DECR1: variants seen among roughly 807,000 people sequenced by gnomAD.
The protein encoded by DECR1 is 2,4-dienoyl-CoA reductase 1, also known as 2,4-dienoyl-CoA reductase [(3E)-enoyl-CoA-producing], mitochondrial.
Under a neutral mutation model 38.8 loss-of-function variants are expected in DECR1, and 44 were observed. That is an observed-to-expected ratio of 1.13 (90% CI 0.89 to 1.46). The LOEUF (loss-of-function observed/expected upper bound fraction) is 1.46, where lower values mean the gene tolerates loss of function less well. DECR1 is among the 40% of genes most tolerant of loss of function. DECR1 has a pLI of 0.00. For synonymous variants in DECR1, 148 were observed against 135.2 expected, an observed-to-expected ratio of 1.09 and a Z score of -0.66; for missense variants, 428 against 405.5, an observed-to-expected ratio of 1.06 and a Z score of -0.48.
At chr8:90,043,842 A>G (rs1206544212) in intron 7 of DECR1, among the ~76,000 whole-genome samples, 1 of 152,222 alleles carries the variant, frequency 6.6e-6, no homozygotes, top group African/African-American at 2.4e-5. Flanking sequence ...TCCTAAGCAT[A>G]TCTGAAAATA....
At chr8:90,020,118 C>T (rs1179679137) in intron 4 of DECR1, among the ~76,000 whole-genome samples, 1 of 152,138 alleles carries the variant, frequency 6.6e-6, no homozygotes, top group Non-Finnish European at 1.5e-5. Context: ...GTACATTTAT[C>T]GGAGAGAAGC....
At chr8:90,048,377 A>G (rs1813968574) in intron 8 of DECR1, among the ~76,000 whole-genome samples, 1 of 152,230 alleles carries the variant, frequency 6.6e-6, no homozygotes, top group South Asian at 2.1e-4. Context: ...CCACAGAGAT[A>G]CAAACTCCCA....
chr8:90,043,266 T>C (rs1351421065), intron 7 of DECR1, among the ~76,000 whole-genome samples: 2 of 152,192 alleles, frequency 1.3e-5, no homozygotes, highest in African/African-American at 4.8e-5. Flanking sequence ...CCTTGACTCA[T>C]GCTTGTGCCC....
intron 1 of DECR1, chr8:90,005,679 A>C (rs185614612): frequency 1.3e-4 from 44 of 349,966 alleles, no homozygotes; most frequent in African/African-American, 8.3e-4. Context: ...CTGTCTCTGC[A>C]CAGACAGATT....
rs1450398074 is a variant in DECR1 at position 90,048,750 on chromosome 8, A to G, written c.886-2927A>G. ...TACAACAACAAAAAAAGAGAATTTT[A>G]GACCAATATTCCTGATGAACATTGA... On this transcript the variant is annotated intron_variant, in intron 8 of 9. Transcript: ENST00000220764. 2.6e-5 allele frequency among the ~76,000 whole-genome samples: 4 copies of G among 152,242 alleles called. No homozygotes were observed. The East Asian group carries it at 7.7e-4, about 29-fold the overall frequency.
At chr8:90,051,781 T>C in intron 9 of DECR1, 42 bp downstream of exon 9, 3 of 1,612,004 alleles carry the variant, frequency 1.9e-6, no homozygotes, top group Non-Finnish European at 2.5e-6. Flanking sequence ...GCAGCTAGGA[T>C]ACTAAGCTTT....
intron 1 of DECR1, among the ~76,000 whole-genome samples, chr8:90,015,867 A>AT (rs1303776310): frequency 1.3e-5 from 2 of 152,170 alleles, no homozygotes; most frequent in Non-Finnish European, 2.9e-5. Context: ...CAATATATAT[A>AT]TTTTTTATCA....
At chr8:90,004,644 G>T (rs1360579555) in intron 1 of DECR1, among the ~76,000 whole-genome samples, 1 of 152,008 alleles carries the variant, frequency 6.6e-6, no homozygotes, top group Non-Finnish European at 1.5e-5. Flanking sequence ...AACTAGATGT[G>T]TTTTCTTTAT....
At chr8:90,045,082 T>C in intron 8 of DECR1, 87 bp downstream of exon 8, 1 of 1,169,604 alleles carries the variant, frequency 8.5e-7, no homozygotes, top group Non-Finnish European at 1.3e-6. Flanking sequence ...CTGACAATGC[T>C]GAATGTAAAT....
At chr8:90,002,754 T>G (rs1403124596) in intron 1 of DECR1, among the ~76,000 whole-genome samples, 1 of 152,126 alleles carries the variant, frequency 6.6e-6, no homozygotes, top group East Asian at 1.9e-4. Context: ...AAAAGTGAGA[T>G]TTGTTCAGGG....
chr8:90,009,654 A>G (rs556635060), intron 1 of DECR1, among the ~76,000 whole-genome samples: 1 of 152,324 alleles, frequency 6.6e-6, no homozygotes, highest in Non-Finnish European at 1.5e-5. Context: ...ATGTAAGCAA[A>G]TTCCCAAAAC....
At chr8:90,027,145 T>C (rs571409968) in intron 5 of DECR1, among the ~76,000 whole-genome samples, 1 of 152,332 alleles carries the variant, frequency 6.6e-6, no homozygotes, top group East Asian at 1.9e-4. Context: ...CTTCCAACTA[T>C]GTGGTCAAGT....
intron 1 of DECR1, among the ~76,000 whole-genome samples, chr8:90,010,639 G>A (rs1805860): frequency 0.11 from 17,097 of 152,218 alleles, 1,256 homozygotes; most frequent in East Asian, 0.25. Flanking sequence ...ATGGCAGTTA[G>A]GGCCCAGTCT....
chr8:90,035,721 T>C (rs946000429), intron 5 of DECR1, among the ~76,000 whole-genome samples: 1 of 152,118 alleles, frequency 6.6e-6, no homozygotes, highest in East Asian at 1.9e-4. Context: ...TAATTTTTTA[T>C]TGCATGCTGT....
At chr8:90,018,878 A>T in intron 2 of DECR1, 31 bp from the exon 3 acceptor site, 1 of 1,502,110 alleles carries the variant, frequency 6.7e-7, no homozygotes, top group Non-Finnish European at 9.2e-7. Context: ...GAAAAATATA[A>T]TATGAAGTCA....
intron 5 of DECR1, among the ~76,000 whole-genome samples, chr8:90,022,969 T>C (rs942974262): frequency 3.4e-4 from 52 of 152,222 alleles, no homozygotes; most frequent in African/African-American, 1.2e-3. Context: ...CCAGTTTTTA[T>C]TCTTCCAAGA....
intron 1 of DECR1, among the ~76,000 whole-genome samples, chr8:90,008,397 A>T (rs1472001935): frequency 6.6e-6 from 1 of 152,182 alleles, no homozygotes; most frequent in Admixed American, 6.5e-5. Context: ...TCTCATGTAC[A>T]CTTAATGACT....
chr8:90,021,113 G>C, intron 5 of DECR1, 57 bp downstream of exon 5: 1 of 1,415,852 alleles, frequency 7.1e-7, no homozygotes, highest in Non-Finnish European at 9.4e-7. Flanking sequence ...AAGGTTCTGT[G>C]GTAAGCTCTG....
intron 5 of DECR1, among the ~76,000 whole-genome samples, chr8:90,026,221 G>A (rs1011298348): frequency 6.6e-6 from 1 of 152,188 alleles, no homozygotes; most frequent in Admixed American, 6.5e-5. Flanking sequence ...TTGGTATCAG[G>A]ATGATACTGG....
Sources: allele counts gnomAD v4.1 joint callset (sites outside exome capture counted in the v4.1 genomes callset), GRCh38; gene constraint gnomAD v4.1.1; transcripts MANE v1.5; gene names NCBI Gene and HGNC (gene_info 2026-07-23, HGNC 2026-07-21).